PRDM2: variants seen among roughly 807,000 people sequenced by gnomAD.
PRDM2 encodes PR domain zinc finger protein 2.
In PRDM2, 30 loss-of-function variants were observed where a neutral mutation model predicts 130.0. The ratio of observed to expected loss-of-function variants is 0.23; its 90% CI spans 0.17 to 0.31. The LOEUF (loss-of-function observed/expected upper bound fraction) is 0.31. Among genes scored for constraint, PRDM2 ranks in the 10% least tolerant of loss-of-function variants. PRDM2 has a pLI of 1.00. For synonymous variants in PRDM2, 871 were observed against 782.4 expected, an observed-to-expected ratio of 1.11 and a Z score of -1.89; for missense variants, 2,011 against 2,108.4, an observed-to-expected ratio of 0.95 and a Z score of 0.90.
At chr1:13,726,715 T>TC in intron 2 of PRDM2, among the ~76,000 whole-genome samples, 1 of 152,344 alleles carries the variant, frequency 6.6e-6, no homozygotes, top group African/African-American at 2.4e-5. Flanking sequence ...TACATACTGT[T>TC]CCAGATCTGT....
rs1423023857 is a variant in PRDM2 at position 13,779,134 on chromosome 1, A to T, written c.1339A>T (p.Ser447Cys). 1.9e-6 allele frequency: 3 copies of T among 1,614,192 alleles called. No homozygotes were observed. The highest frequency in any genetic ancestry group is 1.7e-5 in the Admixed American group (1 of 60,014). Residue 447 changes from serine (S) to cysteine (C), a missense_variant, in exon 8 of 10, where the codon AGT becomes TGT. Ser to Cys is a moderately radical substitution (Grantham distance 112, BLOSUM62 -1). Coordinates refer to ENST00000311066, the MANE Select transcript of PRDM2 (RefSeq NM_001393986.1). The surrounding 1 kb of genome is among the most constrained non-coding windows in gnomAD (Gnocchi z 4.9). Reference protein sequence around the residue: ...GENVASKDDSSPPSLGPDCLI... With the variant: ...GENVASKDDSCPPSLGPDCLI... ...AAACGTTGCTTCAAAAGATGATTCG[A>T]GTCCTCCCAGTCTTGGGCCAGACTG... is the stretch of plus-strand genomic sequence containing the variant.
rs1645087983 is a variant in PRDM2, at chr1:13,806,436, G to T, written c.5037-9991G>T. On this transcript the variant is annotated intron_variant, in intron 8 of 9. Transcript: ENST00000311066. The surrounding 1 kb of genome is among the most constrained non-coding windows in gnomAD (Gnocchi z 4.1). ...ACCTGACATCTCCCTTGGGTGTCTA[G>T]ATTCAAATTTAATCTTTCCAAAATG... is the stretch of plus-strand genomic sequence containing the variant. Among the ~76,000 whole-genome samples, 1 of 152,190 alleles carries T rather than the reference G, an allele frequency of 6.6e-6. No homozygotes were observed. The highest frequency in any genetic ancestry group is 1.5e-5 in the Non-Finnish European group (1 of 68,044).
chr1:13,796,093 T>G (rs1327194748), intron 8 of PRDM2, among the ~76,000 whole-genome samples: 1 of 152,216 alleles, frequency 6.6e-6, no homozygotes, highest in Non-Finnish European at 1.5e-5. Flanking sequence ...TGGACTCAAT[T>G]TCACCCTTCT....
rs1379234568 is a variant in PRDM2, at chr1:13,824,508, A to G, written c.*1373A>G. 6.6e-6 allele frequency: 1 copy of G among 152,188 alleles called. No homozygotes were observed. Among genetic ancestry groups the G allele is most frequent in the Admixed American group, 6.5e-5 (1 of 15,272 alleles). 9.4% of individuals were successfully genotyped at this position (152,188 alleles called of 1,614,324 possible). A position where few individuals can be genotyped will look rare whatever the true frequency, so the allele number is the denominator to read the frequency against. Reference sequence around the variant, plus strand: ...AATCGGCTGCAGTATGGGATCTGATAAGGATCTAGGAGAAGGGTCTCATGC... The same window carrying G: ...AATCGGCTGCAGTATGGGATCTGATGAGGATCTAGGAGAAGGGTCTCATGC... On this transcript the variant is annotated 3_prime_UTR_variant, in exon 10 of 10. Coordinates refer to ENST00000311066, the MANE Select transcript of PRDM2 (RefSeq NM_001393986.1).
At chr1:13,734,799 G>T (rs1301740156) in intron 4 of PRDM2, among the ~76,000 whole-genome samples, 1 of 152,066 alleles carries the variant, frequency 6.6e-6, no homozygotes, top group Admixed American at 6.5e-5. Flanking sequence ...ATATACATCT[G>T]ATATAGAAAC....
intron 8 of PRDM2, among the ~76,000 whole-genome samples, chr1:13,789,585 G>A (rs938718956): frequency 3.9e-5 from 6 of 152,162 alleles, no homozygotes; most frequent in African/African-American, 1.4e-4. Flanking sequence ...TAATCTAGAT[G>A]ACTGCCGGCT....
At chr1:13,813,087 G>C (rs1391195863) in intron 8 of PRDM2, among the ~76,000 whole-genome samples, 2 of 152,194 alleles carry the variant, frequency 1.3e-5, no homozygotes, top group African/African-American at 4.8e-5. Flanking sequence ...AACTGCTGCA[G>C]TCACGACACT....
At chr1:13,749,306 C>A in intron 5 of PRDM2, 55 bp from the exon 6 acceptor site, 1 of 1,340,148 alleles carries the variant, frequency 7.5e-7, no homozygotes, top group Non-Finnish European at 9.8e-7. Flanking sequence ...CGCCCCGCCC[C>A]CGCCAACAAC....
chr1:13,716,013 G>A (rs1004660310), intron 2 of PRDM2, among the ~76,000 whole-genome samples: 10 of 151,842 alleles, frequency 6.6e-5, no homozygotes, highest in Non-Finnish European at 7.4e-5. Flanking sequence ...TGTTTATTGC[G>A]GCATTATTCA....
At position 13,731,004 on chromosome 1, in the gene PRDM2, C is replaced by G. The variant is rs1643087053; in HGVS notation, c.14C>G (p.Thr5Ser). Residue 5 changes from threonine (T) to serine (S), a missense_variant, in exon 3 of 10, where the codon ACT becomes AGT. By Grantham distance (58) the Thr-to-Ser change is moderately conservative (BLOSUM62 1). Coordinates refer to ENST00000311066, the MANE Select transcript of PRDM2 (RefSeq NM_001393986.1). MNQN[T>S]TEPVAATETL... ...CTTCCATTTCTTGACTTGCAGAACA[C>G]TACTGAGCCTGTGGCGGCCACCGAG... is the stretch of plus-strand genomic sequence containing the variant. 6.3e-7 allele frequency: 1 copy of G among 1,575,074 alleles called. No homozygotes were observed.
At chr1:13,746,483 C>A (rs1643610214) in intron 5 of PRDM2, among the ~76,000 whole-genome samples, 1 of 151,618 alleles carries the variant, frequency 6.6e-6, no homozygotes, top group Non-Finnish European at 1.5e-5. Context: ...GTAATATAAC[C>A]ATTTCAAGTT....
intron 6 of PRDM2, 23 bp downstream of exon 6, chr1:13,749,510 G>T (rs1323946260): frequency 1.7e-6 from 2 of 1,200,014 alleles, no homozygotes; most frequent in Admixed American, 2.9e-5. Flanking sequence ...CGGCCCGCCC[G>T]CCCGGCCCCG....
chr1:13,709,595 T>G (rs1642308996), intron 1 of PRDM2, among the ~76,000 whole-genome samples: 1 of 152,220 alleles, frequency 6.6e-6, no homozygotes, highest in Non-Finnish European at 1.5e-5. Context: ...TTTATTTGCC[T>G]TGAGAACTAC....
At chr1:13,759,736 T>C (rs1644050823) in intron 6 of PRDM2, among the ~76,000 whole-genome samples, 1 of 152,236 alleles carries the variant, frequency 6.6e-6, no homozygotes, top group Non-Finnish European at 1.5e-5. Context: ...TTTGATCTTT[T>C]ATATGTGGAA....
chr1:13,820,040 G>C (rs1473017105), intron 9 of PRDM2, among the ~76,000 whole-genome samples: 1 of 152,194 alleles, frequency 6.6e-6, no homozygotes, highest in Non-Finnish European at 1.5e-5. Context: ...GGTGTGTGCA[G>C]GTCAAAGCCC....
In PRDM2 at chr1:13,740,681, T is replaced by C. The variant is rs1266925653; in HGVS notation, c.232-1324T>C. On this transcript the variant is annotated intron_variant, in intron 4 of 9. Coordinates refer to ENST00000311066, the MANE Select transcript of PRDM2 (RefSeq NM_001393986.1). ...TAACTTTTGAGCCTCAATTTTCACA[T>C]GTTGAAAGGAGAGCTAATAAGCCTG... Among the ~76,000 whole-genome samples the C allele has an allele frequency of 7.2e-5, 11 of 152,216 alleles. No homozygotes were observed. In the East Asian group the frequency reaches 1.9e-3, roughly 27 times the overall value.
At chr1:13,724,347 A>G (rs1018027593) in intron 2 of PRDM2, among the ~76,000 whole-genome samples, 5 of 152,196 alleles carry the variant, frequency 3.3e-5, no homozygotes. Flanking sequence ...ATTAGCAGTG[A>G]AACCCTTCAA....
chr1:13,785,802 C>T (rs1644721808), intron 8 of PRDM2, among the ~76,000 whole-genome samples: 1 of 148,516 alleles, frequency 6.7e-6, no homozygotes, highest in Non-Finnish European at 1.5e-5. Context: ...ACTCATCTTT[C>T]ACCTTTGTAA....
intron 4 of PRDM2, among the ~76,000 whole-genome samples, chr1:13,740,716 G>A (rs1250961149): frequency 6.6e-6 from 1 of 152,162 alleles, no homozygotes; most frequent in African/African-American, 2.4e-5. Context: ...GCTACATAGG[G>A]TTAAATGAGA....
Sources: gnomAD v4.1 joint callset for allele counts (sites outside exome capture counted in the v4.1 genomes callset) on GRCh38, gnomAD v4.1.1 for gene constraint, Gnocchi (gnomAD v3.1) non-coding constraint, MANE v1.5 for transcripts, NCBI Gene and HGNC (gene_info 2026-07-23, HGNC 2026-07-21) for gene names.